The following OR10K2 variants were observed in gnomAD, a reference collection of about 807,000 sequenced individuals.
OR10K2 encodes olfactory receptor 10K2.
For missense variants in OR10K2, 401 were observed against 367.1 expected (o/e 1.09, Z -0.76); for synonymous variants, 169 against 146.4 (o/e 1.15, Z -1.11).
chr1:158,425,476 C>A (rs973363562), intron 1 of OR10K2, among the ~76,000 whole-genome samples: 1 of 152,036 alleles, frequency 6.6e-6, no homozygotes, highest in African/African-American at 2.4e-5. Flanking sequence ...TTACGGTGTT[C>A]TTTTCCTAAG....
chr1:158,422,368 T>C (rs1447551101), intron 1 of OR10K2, among the ~76,000 whole-genome samples: 1 of 152,116 alleles, frequency 6.6e-6, no homozygotes, highest in Admixed American at 6.6e-5. Flanking sequence ...GGCACAAGAA[T>C]TGCTCAGTGT....
rs1474810664 is a variant in OR10K2, at chr1:158,420,588, A to T, written c.279T>A (p.Ser93=). The T allele has an allele frequency of 6.2e-7, 1 of 1,613,974 alleles. No homozygotes were observed. The highest frequency in any genetic ancestry group is 8.5e-7 in the Non-Finnish European group (1 of 1,179,928). Residue 93 remains serine, a synonymous_variant, in exon 2 of 2, where the codon TCT becomes TCA. Coordinates refer to ENST00000641042, the MANE Select transcript of OR10K2 (RefSeq NM_001004476.2). ...VDLLSQKKTI[S]FLGCAIQMFS... is the part of the protein sequence containing the mutation. ...ACATTTGGATGGCACAGCCCAGGAA[A>T]GAAATGGTCTTCTTCTGGGACAGCA...
rs1312533295 is a variant in OR10K2 at position 158,419,545 on chromosome 1, A to T, written c.*383T>A. Reference sequence around the variant, plus strand: ...GAACATAATGCTCAATTGCTTGATCATTTGTGTTCTGGGAATTTTTTCCTG... The same window carrying T: ...GAACATAATGCTCAATTGCTTGATCTTTTGTGTTCTGGGAATTTTTTCCTG... On this transcript the variant is annotated 3_prime_UTR_variant, in exon 2 of 2. Transcript: ENST00000641042. The T allele has an allele frequency of 6.2e-6, 1 of 161,264 alleles. No homozygotes were observed. Among genetic ancestry groups the T allele is most frequent in the Non-Finnish European group, 1.4e-5 (1 of 73,732 alleles). The allele number at this position is 161,264 out of a possible 1,614,324, so 10.0% of individuals were successfully genotyped here.
chr1:158,423,398 G>A (rs1339187527), intron 1 of OR10K2, among the ~76,000 whole-genome samples: 1 of 151,734 alleles, frequency 6.6e-6, no homozygotes, highest in Non-Finnish European at 1.5e-5. Flanking sequence ...AATAAAATAG[G>A]CTTTACATTT....
Position 158,420,093 on chromosome 1 carries a change from G to GA in OR10K2, c.773dup (p.Tyr259LeufsTer33). 6.2e-7 allele frequency: 1 copy of GA among 1,613,720 alleles called. No individual in the cohort carries two copies. The highest frequency in any genetic ancestry group is 8.5e-7 in the Non-Finnish European group (1 of 1,179,846). On this transcript the variant is annotated frameshift_variant, in exon 2 of 2. Coordinates refer to ENST00000641042, the MANE Select transcript of OR10K2 (RefSeq NM_001004476.2). LOFTEE classifies it low-confidence loss of function (END_TRUNC). ...AGTAGTTGGACTGAGGCCTTAAGTA[G>GA]ATAAAGGAGGCACAGCCATAGTGGA...
chr1:158,423,879 G>T (rs1164953532), intron 1 of OR10K2, among the ~76,000 whole-genome samples: 1 of 152,046 alleles, frequency 6.6e-6, no homozygotes, highest in Non-Finnish European at 1.5e-5. Flanking sequence ...GACTGGGGCA[G>T]ATTGTCTAAC....
At chr1:158,422,404 A>G (rs1033646157) in intron 1 of OR10K2, among the ~76,000 whole-genome samples, 1 of 152,088 alleles carries the variant, frequency 6.6e-6, no homozygotes, top group African/African-American at 2.4e-5. Flanking sequence ...TGTCTGCACC[A>G]CATAAAACTA....
intron 1 of OR10K2, among the ~76,000 whole-genome samples, chr1:158,421,441 T>C (rs1251008723): frequency 6.6e-6 from 1 of 152,132 alleles, no homozygotes; most frequent in Non-Finnish European, 1.5e-5. Context: ...ATACTTTTAT[T>C]ATGCTGGCTC....
In OR10K2 at chr1:158,419,869, T is replaced by C. The variant is rs58605957; in HGVS notation, c.*59A>G. 0.43 allele frequency: 625,034 copies of C among 1,462,496 alleles called. 139,513 individuals are homozygous for C. The highest frequency in any genetic ancestry group is 0.46 in the Non-Finnish European group (493,788 of 1,069,572). 90.6% of individuals were successfully genotyped at this position (1,462,496 alleles called of 1,614,324 possible). On this transcript the variant is annotated 3_prime_UTR_variant, in exon 2 of 2. Coordinates refer to ENST00000641042, the MANE Select transcript of OR10K2 (RefSeq NM_001004476.2). The stretch of plus-strand genomic sequence containing the variant: ...TCAGGTGATCCACCTGTCTCAGCCT[T>C]CCAAAATGCTGGGATTACAGTCGTG...
In OR10K2 at chr1:158,418,606, C is replaced by T. The variant is rs1326505289; in HGVS notation, c.*1322G>A. On this transcript the variant is annotated 3_prime_UTR_variant, in exon 2 of 2. Coordinates refer to ENST00000641042, the MANE Select transcript of OR10K2 (RefSeq NM_001004476.2). ...GGCCTGTGAACAAAACATTCCACTTCCTTCCCTCCCGCTTCAACCCCTAAA... is the reference window on the plus strand; with the variant it reads ...GGCCTGTGAACAAAACATTCCACTTTCTTCCCTCCCGCTTCAACCCCTAAA... 1 of 152,094 alleles carries T rather than the reference C, an allele frequency of 6.6e-6. No individual in the cohort carries two copies. The highest frequency in any genetic ancestry group is 1.9e-4 in the East Asian group (1 of 5,174). The allele number at this position is 152,094 out of a possible 1,614,324, so 9.4% of individuals were successfully genotyped here. A position where few individuals can be genotyped will look rare whatever the true frequency, so the allele number is the denominator to read the frequency against.
rs1395107163 is a variant in OR10K2 at position 158,420,077 on chromosome 1, A to C, written c.790T>G (p.Ser264Ala). The C allele has an allele frequency of 2.5e-6, 4 of 1,613,780 alleles. No homozygotes were observed. In the East Asian group the frequency reaches 8.9e-5, roughly 36 times the overall value. ...CASFIYLRPQSNYSSSQDALI... is the reference protein window; with the variant it reads ...CASFIYLRPQANYSSSQDALI... Reference sequence around the variant, plus strand: ...GCATCCTGGCTTGAGGAGTAGTTGGACTGAGGCCTTAAGTAGATAAAGGAG... The same window carrying C: ...GCATCCTGGCTTGAGGAGTAGTTGGCCTGAGGCCTTAAGTAGATAAAGGAG... Residue 264 changes from serine (S) to alanine (A), a missense_variant, in exon 2 of 2, where the codon TCC becomes GCC. Physicochemically the swap from Ser to Ala is moderately conservative, Grantham distance 99. Coordinates refer to ENST00000641042, the MANE Select transcript of OR10K2 (RefSeq NM_001004476.2).
chr1:158,423,334 T>C (rs549880610), intron 1 of OR10K2, among the ~76,000 whole-genome samples: 122 of 151,692 alleles, frequency 8.0e-4, no homozygotes, highest in Non-Finnish European at 1.1e-3. Context: ...AATTTCTACA[T>C]GTAGAATCTG....
chr1:158,425,123 G>C (rs61820481), intron 1 of OR10K2, among the ~76,000 whole-genome samples: 1,611 of 152,090 alleles, frequency 0.011, 17 homozygotes, highest in Non-Finnish European at 0.015. Flanking sequence ...GGTTTTGGGA[G>C]GGATTTAATA....
rs1364192875 is a variant in OR10K2 at position 158,419,160 on chromosome 1, T to G, written c.*768A>C. 6.5e-6 allele frequency: 1 copy of G among 154,864 alleles called. No homozygotes were observed. Among genetic ancestry groups the G allele is most frequent in the Middle Eastern group, 5.2e-4 (1 of 1,922 alleles). 9.6% of individuals were successfully genotyped at this position (154,864 alleles called of 1,614,324 possible). On this transcript the variant is annotated 3_prime_UTR_variant, in exon 2 of 2. Coordinates refer to ENST00000641042, the MANE Select transcript of OR10K2 (RefSeq NM_001004476.2). ...TGGATATATCTTATGCATCAAACATTGTAATGACGCTTAACAAGTATCTCA... is the reference window on the plus strand; with the variant it reads ...TGGATATATCTTATGCATCAAACATGGTAATGACGCTTAACAAGTATCTCA...
Position 158,419,419 on chromosome 1 carries a change from A to G in OR10K2, c.*509T>C, listed in dbSNP as rs1455698694. The G allele has an allele frequency of 9.9e-6, 1 of 101,284 alleles. No individual in the cohort carries two copies. Among genetic ancestry groups the G allele is most frequent in the Non-Finnish European group, 2.1e-5 (1 of 46,520 alleles). The allele number at this position is 101,284 out of a possible 1,614,324, so 6.3% of individuals were successfully genotyped here. On this transcript the variant is annotated 3_prime_UTR_variant, in exon 2 of 2. Transcript: ENST00000641042. ...CCATCTGTTATTTTTTAATCAATTG[A>G]AAAAAAACCTTCAATAGGCAATAAT...
In OR10K2 at chr1:158,420,345, T is replaced by C; in HGVS notation, c.522A>G (p.Leu174=). Residue 174 remains leucine (L), a synonymous_variant, in exon 2 of 2, where the codon CTA becomes CTG. Coordinates refer to ENST00000641042, the MANE Select transcript of OR10K2 (RefSeq NM_001004476.2). ...FHLPFYSSNQ[L]HHFFCDIAPV... Reference sequence around the variant, plus strand: ...GAGCAATGTCACAGAAGAAGTGATGTAGTTGATTGGAGGAATAAAAAGGCA... The same window carrying C: ...GAGCAATGTCACAGAAGAAGTGATGCAGTTGATTGGAGGAATAAAAAGGCA... The C allele has an allele frequency of 6.2e-7, 1 of 1,613,806 alleles. No homozygotes were observed.
At chr1:158,424,096 A>C (rs538541706) in intron 1 of OR10K2, among the ~76,000 whole-genome samples, 6 of 152,202 alleles carry the variant, frequency 3.9e-5, no homozygotes, top group African/African-American at 1.4e-4. Flanking sequence ...AAGGCTTTGA[A>C]GAACAAGTAG....
intron 1 of OR10K2, among the ~76,000 whole-genome samples, chr1:158,425,469 C>T (rs1207495638): frequency 6.6e-6 from 1 of 152,048 alleles, no homozygotes; most frequent in East Asian, 1.9e-4. Context: ...CAGTTACTTA[C>T]GGTGTTCTTT....
intron 1 of OR10K2, 46 bp downstream of exon 1, chr1:158,425,887 T>C (rs962808991): frequency 2.0e-5 from 3 of 152,114 alleles, no homozygotes. Context: ...TCTCTTTCTG[T>C]TATTGGTAGT....
Sources: gnomAD v4.1 joint callset for allele counts (sites outside exome capture counted in the v4.1 genomes callset) on GRCh38, gnomAD v4.1.1 for gene constraint, MANE v1.5 for transcripts, NCBI Gene and HGNC (gene_info 2026-07-23, HGNC 2026-07-21) for gene names.